C3orf33: variants seen among roughly 807,000 people sequenced by gnomAD.
The protein encoded by C3orf33 is mitochondrial inner membrane subdomain organizer 1, also known as AP-1 activity suppressor.
A neutral mutation model predicts 28.7 loss-of-function variants in C3orf33; 23 were observed. The ratio of observed to expected loss-of-function variants is 0.80; its 90% CI spans 0.58 to 1.13. C3orf33 has a LOEUF of 1.13. Among genes scored for constraint, C3orf33 ranks in the 50% most tolerant of loss-of-function variants. C3orf33 has a pLI of 0.00. For missense variants in C3orf33, 327 were observed against 353.4 expected, an observed-to-expected ratio of 0.93 and a Z score of 0.60; for synonymous variants, 119 against 120.5, an observed-to-expected ratio of 0.99 and a Z score of 0.08.
At chr3:155,789,622 C>T (rs1472751408) in intron 2 of C3orf33, among the ~76,000 whole-genome samples, 1 of 151,806 alleles carries the variant, frequency 6.6e-6, no homozygotes, top group African/African-American at 2.4e-5. Context: ...AATCCATCCT[C>T]AAATTCATGT....
At chr3:155,773,346 T>C (rs928979110) in intron 3 of C3orf33, among the ~76,000 whole-genome samples, 5 of 152,216 alleles carry the variant, frequency 3.3e-5, no homozygotes, top group African/African-American at 1.2e-4. Flanking sequence ...TATCATGACA[T>C]TTGTAGCGGT....
intron 2 of C3orf33, among the ~76,000 whole-genome samples, chr3:155,796,231 A>G (rs1751473442): frequency 6.6e-6 from 1 of 152,012 alleles, no homozygotes; most frequent in Non-Finnish European, 1.5e-5. Context: ...TTTTGAAAAG[A>G]TAAACAAAGC....
intron 1 of C3orf33, 43 bp downstream of exon 1, chr3:155,806,096 C>A: frequency 7.6e-7 from 1 of 1,320,486 alleles, no homozygotes; most frequent in Non-Finnish European, 1.0e-6. Context: ...CGCTCTGTGC[C>A]GCCCCGCGCC....
chr3:155,786,403 C>T (rs1028028181), intron 2 of C3orf33, among the ~76,000 whole-genome samples: 2 of 151,994 alleles, frequency 1.3e-5, no homozygotes, highest in African/African-American at 4.8e-5. Context: ...GACTAAAATT[C>T]CTAAGTCAGA....
chr3:155,784,075 G>C (rs1269586885), intron 2 of C3orf33, among the ~76,000 whole-genome samples: 1 of 152,048 alleles, frequency 6.6e-6, no homozygotes, highest in Non-Finnish European at 1.5e-5. Flanking sequence ...GGGATTACAG[G>C]CATGTGCCAC....
At chr3:155,777,311 T>C (rs1410920536) in intron 2 of C3orf33, among the ~76,000 whole-genome samples, 1 of 151,144 alleles carries the variant, frequency 6.6e-6, no homozygotes, top group African/African-American at 2.4e-5. Flanking sequence ...CGAAACTCTG[T>C]CTAAAAAAAA....
At chr3:155,775,112 A>G (rs1750701227) in intron 3 of C3orf33, among the ~76,000 whole-genome samples, 1 of 152,154 alleles carries the variant, frequency 6.6e-6, no homozygotes, top group African/African-American at 2.4e-5. Flanking sequence ...TTTACCCAAC[A>G]TTGTACAATT....
In C3orf33 at chr3:155,775,803, T is replaced by G; in HGVS notation, c.220A>C (p.Arg74=). 1 of 1,599,088 alleles carries G rather than the reference T, an allele frequency of 6.3e-7. No homozygotes were observed. The highest frequency in any genetic ancestry group is 8.6e-7 in the Non-Finnish European group (1 of 1,168,332). ...CGTCCACGTAGTTTAACATTTCTTC[T>G]TATAAATTCTACTGGAATATCCGAA... ...SSSDIPVEFI[R]RNVKLRGRLR... is the part of the protein sequence containing the mutation. Residue 74 remains arginine (R), a synonymous_variant, in exon 3 of 5, where the codon AGA becomes CGA. Coordinates refer to ENST00000340171, the MANE Select transcript of C3orf33 (RefSeq NM_001308229.2).
chr3:155,797,803 G>T (rs991592446), intron 2 of C3orf33, among the ~76,000 whole-genome samples: 4 of 152,198 alleles, frequency 2.6e-5, no homozygotes, highest in Admixed American at 2.0e-4. Flanking sequence ...GGGCACAGTG[G>T]CTCATGCCTG....
chr3:155,800,610 CAAAAAAAAAAAAAA>C lies in C3orf33; in HGVS notation c.174+1908_174+1921del, dbSNP rs58092818. Among the ~76,000 whole-genome samples the C allele has an allele frequency of 5.5e-3, 86 of 15,638 alleles. 1 individual carries two copies. The highest frequency in any genetic ancestry group is 0.039 in the South Asian group (9 of 232). 10.3% of individuals were successfully genotyped at this position (15,638 alleles called of 152,430 possible). ...GGTCAACAGAGTGAGACCTTATCTCCAAAAAAAAAAAAAAAAAAAAAAAAAAAAAAAGGCAACAT... is the reference window on the plus strand; with the variant it reads ...GGTCAACAGAGTGAGACCTTATCTCCAAAAAAAAAAAAAAAAAGGCAACAT... On this transcript the variant is annotated intron_variant, in intron 2 of 4. Transcript: ENST00000340171.
chr3:155,773,218 G>A (rs6774542), intron 3 of C3orf33, among the ~76,000 whole-genome samples: 55,811 of 152,090 alleles, frequency 0.37, 11,574 homozygotes, highest in Middle Eastern at 0.51. Flanking sequence ...ATGGTGTTTG[G>A]TTAGCAACTT....
rs745336651 is a variant in C3orf33 at position 155,767,503 on chromosome 3, G to T, written c.483+6C>A. The stretch of plus-strand genomic sequence containing the variant: ...ATATTGCTAGTTATTTCTTCACATT[G>T]CTTACCTTACTCACCAGAAGATAGC... On this transcript the variant is annotated splice_donor_region_variant and intron_variant, in intron 4 of 4. Transcript: ENST00000340171. The T allele has an allele frequency of 1.2e-5, 19 of 1,526,654 alleles. No individual in the cohort carries two copies. The highest frequency in any genetic ancestry group is 3.5e-4 in the Middle Eastern group (2 of 5,744). The allele number at this position is 1,526,654 out of a possible 1,614,324, so 94.6% of individuals were successfully genotyped here.
Position 155,803,671 on chromosome 3 carries a change from A to C in C3orf33, c.115-1080T>G, listed in dbSNP as rs552247394. The stretch of plus-strand genomic sequence containing the variant: ...CGAGGCGGGTGGATCACTTGAGGTC[A>C]GGAGTTTGAGACCAGCCTGGCCAAC... On this transcript the variant is annotated intron_variant, in intron 1 of 4. Coordinates refer to ENST00000340171, the MANE Select transcript of C3orf33 (RefSeq NM_001308229.2). Among the ~76,000 whole-genome samples, 4 of 151,824 alleles carry C rather than the reference A, an allele frequency of 2.6e-5. No individual in the cohort carries two copies. In the East Asian group the frequency reaches 7.8e-4, roughly 30 times the overall value.
At chr3:155,790,382 T>C (rs1200959775) in intron 2 of C3orf33, among the ~76,000 whole-genome samples, 1 of 151,900 alleles carries the variant, frequency 6.6e-6, no homozygotes, top group Non-Finnish European at 1.5e-5. Context: ...CATGATTTCT[T>C]AGATGTGACA....
chr3:155,775,230 C>T (rs1246147811), intron 3 of C3orf33, among the ~76,000 whole-genome samples: 1 of 152,132 alleles, frequency 6.6e-6, no homozygotes, highest in Non-Finnish European at 1.5e-5. Context: ...TGGCTCAGGC[C>T]TGTAATCCCA....
chr3:155,805,506 G>A (rs1751782979), intron 1 of C3orf33: 1 of 422,666 alleles, frequency 2.4e-6, no homozygotes, highest in Middle Eastern at 7.8e-4. Context: ...GATCACTTGA[G>A]GCCAGGAGTT....
intron 3 of C3orf33, among the ~76,000 whole-genome samples, chr3:155,768,454 T>C (rs1750480349): frequency 6.6e-6 from 1 of 152,208 alleles, no homozygotes; most frequent in African/African-American, 2.4e-5. Flanking sequence ...CAGGATTTTA[T>C]CAATTGATAT....
chr3:155,789,349 A>AAG (rs1466798115), intron 2 of C3orf33, among the ~76,000 whole-genome samples: 1 of 151,572 alleles, frequency 6.6e-6, no homozygotes, highest in Non-Finnish European at 1.5e-5. Flanking sequence ...TGTCTCAAAA[A>AAG]AAAAAAAAAA....
intron 2 of C3orf33, among the ~76,000 whole-genome samples, chr3:155,788,007 C>CGGTGA (rs532651417): frequency 5.5e-4 from 83 of 151,046 alleles, no homozygotes; most frequent in African/African-American, 2.0e-3. Context: ...CTGGTTAACA[C>CGGTGA]GGTGAAACCC....
Sources: gnomAD v4.1 joint callset for allele counts (sites outside exome capture counted in the v4.1 genomes callset) on GRCh38, gnomAD v4.1.1 for gene constraint, MANE v1.5 for transcripts, NCBI Gene and HGNC (gene_info 2026-07-23, HGNC 2026-07-21) for gene names.